TRPM3: variants seen among roughly 807,000 people sequenced by gnomAD.
TRPM3 encodes transient receptor potential cation channel subfamily M member 3.
TRPM3 carries 77 observed loss-of-function variants against 181.2 expected under a neutral mutation model. That is an observed-to-expected ratio of 0.42 (90% CI 0.35 to 0.51). The LOEUF is 0.51. Among genes scored for constraint, TRPM3 ranks in the 20% least tolerant of loss-of-function variants. The pLI is 0.01. For missense variants in TRPM3, 1,759 were observed against 2,196.7 expected (o/e 0.80, Z 3.98); for synonymous variants, 745 against 796.4 (o/e 0.94, Z 1.09).
intron 1 of TRPM3, among the ~76,000 whole-genome samples, chr9:70,885,561 C>T (rs1183764004): frequency 6.6e-6 from 1 of 152,116 alleles, no homozygotes; most frequent in Non-Finnish European, 1.5e-5. Context: ...TCACTTTTTA[C>T]CCAGCTAGGT....
rs113027034 is a variant in TRPM3, at chr9:70,556,579, AG to A, written c.3224-3270del. ...TCTATTAAAAATACAAAAATTAGTC[AG>A]GCATGGTGGCACACACCTGTAGTCA... On this transcript the variant is annotated intron_variant, in intron 22 of 25. Transcript: ENST00000677713. Among the ~76,000 whole-genome samples, 1,385 of 152,188 alleles carry A rather than the reference AG, an allele frequency of 9.1e-3. 20 individuals are homozygous for A. Among genetic ancestry groups the A allele is most frequent in the African/African-American group, 0.031 (1,275 of 41,512 alleles).
intron 1 of TRPM3, among the ~76,000 whole-genome samples, chr9:71,423,938 T>C (rs1351545576): frequency 6.6e-6 from 1 of 152,112 alleles, no homozygotes; most frequent in Non-Finnish European, 1.5e-5. Context: ...CGTATCCACC[T>C]TGTTAAGGAC....
chr9:70,739,840 A>T (rs2073636627), intron 8 of TRPM3, among the ~76,000 whole-genome samples: 1 of 152,114 alleles, frequency 6.6e-6, no homozygotes, highest in East Asian at 1.9e-4. Context: ...CTGGTCTCGA[A>T]CTACTGGCCT....
At chr9:71,201,606 C>G in intron 1 of TRPM3, among the ~76,000 whole-genome samples, 1 of 152,114 alleles carries the variant, frequency 6.6e-6, no homozygotes, top group East Asian at 1.9e-4. Flanking sequence ...CTTCCCTTCC[C>G]GCTTCATTTC....
chr9:70,989,678 T>C (rs528041726), intron 1 of TRPM3, among the ~76,000 whole-genome samples: 18 of 152,306 alleles, frequency 1.2e-4, no homozygotes, highest in Middle Eastern at 3.4e-3. Flanking sequence ...TTATATGTTG[T>C]TCAAGGTAAA....
chr9:71,078,459 A>G (rs1226781876), intron 1 of TRPM3, among the ~76,000 whole-genome samples: 1 of 152,206 alleles, frequency 6.6e-6, no homozygotes. Context: ...TTTGGAATTA[A>G]TTATTGGTGA....
At chr9:70,566,416 G>A (rs868467439) in intron 22 of TRPM3, among the ~76,000 whole-genome samples, 8 of 152,144 alleles carry the variant, frequency 5.3e-5, no homozygotes, top group Admixed American at 2.0e-4. Flanking sequence ...AGCTGGAGAA[G>A]AGGAAAGAGC....
chr9:71,195,053 C>A (rs1404421481), intron 1 of TRPM3, among the ~76,000 whole-genome samples: 1 of 151,846 alleles, frequency 6.6e-6, no homozygotes, highest in Non-Finnish European at 1.5e-5. Flanking sequence ...ATCGTTTTAA[C>A]CCTGAGAAAC....
At chr9:71,025,654 A>T (rs1687916089) in intron 1 of TRPM3, among the ~76,000 whole-genome samples, 1 of 152,134 alleles carries the variant, frequency 6.6e-6, no homozygotes. Flanking sequence ...AGGGCAGGTA[A>T]CTCTGTTCTG....
At chr9:70,862,629 G>C (rs562283401) in intron 3 of TRPM3, among the ~76,000 whole-genome samples, 1 of 152,190 alleles carries the variant, frequency 6.6e-6, no homozygotes, top group South Asian at 2.1e-4. Context: ...ACTATAGAAA[G>C]CTATTTTAAA....
intron 1 of TRPM3, among the ~76,000 whole-genome samples, chr9:71,219,089 G>A (rs1483732648): frequency 1.3e-5 from 2 of 152,088 alleles, no homozygotes; most frequent in East Asian, 1.9e-4. Flanking sequence ...GCTGTGTAAC[G>A]ATTGTGCTCA....
chr9:70,607,131 G>A (rs1177035761), intron 19 of TRPM3, among the ~76,000 whole-genome samples: 2 of 152,096 alleles, frequency 1.3e-5, no homozygotes, highest in Non-Finnish European at 2.9e-5. Context: ...CTTTCTTCTT[G>A]GACCAGAAGA....
At chr9:71,228,489 A>G (rs1470429747) in intron 1 of TRPM3, among the ~76,000 whole-genome samples, 1 of 152,186 alleles carries the variant, frequency 6.6e-6, no homozygotes, top group Non-Finnish European at 1.5e-5. Flanking sequence ...ATCAGACAAG[A>G]GAAAGAAATA....
At chr9:70,645,762 A>C (rs1468534839) in intron 9 of TRPM3, among the ~76,000 whole-genome samples, 1 of 152,026 alleles carries the variant, frequency 6.6e-6, no homozygotes, top group African/African-American at 2.4e-5. Flanking sequence ...AAATAAAAAA[A>C]ATAAATAAAA....
intron 1 of TRPM3, among the ~76,000 whole-genome samples, chr9:70,900,263 C>A (rs1362732777): frequency 2.6e-5 from 4 of 152,082 alleles, no homozygotes; most frequent in African/African-American, 9.7e-5. Context: ...ATCGCTTGAA[C>A]CCAGGAGGCG....
At chr9:71,425,109 T>C (rs201157127) in intron 1 of TRPM3, among the ~76,000 whole-genome samples, 2 of 138,692 alleles carry the variant, frequency 1.4e-5, no homozygotes, top group Non-Finnish European at 3.1e-5. Flanking sequence ...TCTCTGGTTT[T>C]TCTTTTTCTA....
At chr9:70,845,285 G>T (rs965671443) in intron 4 of TRPM3, among the ~76,000 whole-genome samples, 1 of 152,120 alleles carries the variant, frequency 6.6e-6, no homozygotes, top group African/African-American at 2.4e-5. Flanking sequence ...TGTTGCCCAG[G>T]CTGGAGTGTG....
intron 1 of TRPM3, among the ~76,000 whole-genome samples, chr9:71,313,447 A>G (rs560522827): frequency 6.6e-6 from 1 of 152,318 alleles, no homozygotes; most frequent in South Asian, 2.1e-4. Context: ...AAAACATAGC[A>G]AATGCATTAA....
At chr9:71,034,885 T>C (rs1413666066) in intron 1 of TRPM3, among the ~76,000 whole-genome samples, 1 of 152,086 alleles carries the variant, frequency 6.6e-6, no homozygotes, top group African/African-American at 2.4e-5. Context: ...ATTCTAGAAA[T>C]TTTATTTCTG....
Sources: allele counts gnomAD v4.1 joint callset (sites outside exome capture counted in the v4.1 genomes callset), GRCh38; gene constraint gnomAD v4.1.1; transcripts MANE v1.5; gene names NCBI Gene and HGNC (gene_info 2026-07-23, HGNC 2026-07-21).